Variants in RGS3 observed in about 807,000 individuals in gnomAD.
The protein encoded by RGS3 is regulator of G protein signaling 3.
In RGS3, 80 loss-of-function variants were observed where a neutral mutation model predicts 132.6. The observed-to-expected ratio is 0.60, with a 90% CI of 0.50 to 0.73. RGS3 has a LOEUF of 0.73. Among genes scored for constraint, RGS3 ranks in the 30% least tolerant of loss-of-function variants. The pLI is 0.00. For synonymous variants in RGS3, 598 were observed against 620.6 expected (o/e 0.96, Z 0.54); for missense variants, 1,382 against 1,530.8 (o/e 0.90, Z 1.62).
intron 8 of RGS3, 26 bp from the exon 7 acceptor site, chr9:113,497,288 G>T: frequency 6.3e-7 from 1 of 1,583,796 alleles, no homozygotes; most frequent in Admixed American, 1.7e-5. Context: ...CTGTGTCTGA[G>T]CGTGCCATTC....
chr9:113,590,291 A>G lies in RGS3; in HGVS notation c.3016-1042A>G, dbSNP rs865937775. Among the ~76,000 whole-genome samples, 12 of 152,244 alleles carry G rather than the reference A, an allele frequency of 7.9e-5. No individual in the cohort carries two copies. In the Middle Eastern group the frequency reaches 0.01, roughly 129 times the overall value. ...CCCCATCCAGGGTCTGGCCTATAGT[A>G]TGAGCTAAATGAAGGTGTAATTCAT... On this transcript the variant is annotated intron_variant, in intron 20 of 24. Coordinates refer to ENST00000350696, the Ensembl canonical transcript of RGS3.
chr9:113,484,160 G>C, exon 6 of RGS3: 1 of 1,611,386 alleles, frequency 6.2e-7, no homozygotes, highest in Non-Finnish European at 8.5e-7. Flanking sequence ...CCTGAAGATA[G>C]TAGACTACGC....
At chr9:113,585,059 T>C (rs1017120551) in intron 20 of RGS3, among the ~76,000 whole-genome samples, 1 of 152,222 alleles carries the variant, frequency 6.6e-6, no homozygotes, top group Non-Finnish European at 1.5e-5. Context: ...TATATGTAGA[T>C]GAATAAGTAT....
At chr9:113,546,078 G>T (rs1361872321) in intron 19 of RGS3, among the ~76,000 whole-genome samples, 1 of 152,236 alleles carries the variant, frequency 6.6e-6, no homozygotes, top group Non-Finnish European at 1.5e-5. Context: ...TGTCTTCAGA[G>T]TAAAGCTTGG....
In RGS3 at chr9:113,517,526, C is replaced by T; in HGVS notation, c.1675-15C>T. 1 of 1,611,218 alleles carries T rather than the reference C, an allele frequency of 6.2e-7. No individual in the cohort carries two copies. The highest frequency in any genetic ancestry group is 1.3e-5 in the African/African-American group (1 of 74,884). On this transcript the variant is annotated splice_polypyrimidine_tract_variant and intron_variant, in intron 15 of 24. Coordinates refer to ENST00000350696, the Ensembl canonical transcript of RGS3. The stretch of plus-strand genomic sequence containing the variant: ...CCTCTTTTTGAACTGCCCACTCAGC[C>T]TGCTTTATTTCCAGCCTCTAGATCT...
chr9:113,478,186 G>A (rs1156790205), intron 3 of RGS3, among the ~76,000 whole-genome samples: 1 of 152,052 alleles, frequency 6.6e-6, no homozygotes, highest in Non-Finnish European at 1.5e-5. Flanking sequence ...CCGTCCTTCT[G>A]TTCTCTTTAC....
chr9:113,471,890 C>T (rs1210329803), intron 3 of RGS3, among the ~76,000 whole-genome samples: 1 of 152,056 alleles, frequency 6.6e-6, no homozygotes, highest in African/African-American at 2.4e-5. Flanking sequence ...TGGCTTCCTT[C>T]TAGGCAAGTG....
chr9:113,594,121 G>A, intron 21 of RGS3: 2 of 1,613,118 alleles, frequency 1.2e-6, no homozygotes, highest in Non-Finnish European at 1.7e-6. Flanking sequence ...GCTTGTGCCT[G>A]GGAGTCCAGT....
chr9:113,462,811 A>G (rs1829507372), intron 3 of RGS3, among the ~76,000 whole-genome samples: 2 of 152,364 alleles, frequency 1.3e-5, no homozygotes, highest in South Asian at 2.1e-4. Context: ...TCACTGAACC[A>G]CAAATATCCA....
chr9:113,527,198 G>A (rs1386989093), intron 17 of RGS3, among the ~76,000 whole-genome samples: 1 of 152,198 alleles, frequency 6.6e-6, no homozygotes, highest in African/African-American at 2.4e-5. Context: ...CCCTGCCATA[G>A]GAAATATGTC....
chr9:113,505,558 G>A, intron 11 of RGS3, 35 bp downstream of exon 9: 1 of 1,548,378 alleles, frequency 6.5e-7, no homozygotes, highest in South Asian at 1.1e-5. Flanking sequence ...AACCCCACTT[G>A]CCCACCACAC....
At chr9:113,479,639 G>T in intron 4 of RGS3, 98 bp downstream of exon 2, 1 of 1,074,574 alleles carries the variant, frequency 9.3e-7, no homozygotes, top group Non-Finnish European at 1.4e-6. Context: ...ATGGGCCAAG[G>T]CTTCTTTTCT....
chr9:113,572,989 G>A lies in RGS3; in HGVS notation c.2038-10461G>A, dbSNP rs540999768. 1.2e-4 allele frequency among the ~76,000 whole-genome samples: 19 copies of A among 152,362 alleles called. 1 individual carries two copies. The highest frequency in any genetic ancestry group is 3.3e-4 in the Admixed American group (5 of 15,304). ...GAGGGAGCTGATGATGTCGATGATC[G>A]TCATGAGAGTAACAATTATGATTAC... On this transcript the variant is annotated intron_variant, in intron 19 of 24. Transcript: ENST00000350696.
At chr9:113,461,111 T>C (rs1482472564) in intron 1 of RGS3, among the ~76,000 whole-genome samples, 2 of 152,166 alleles carry the variant, frequency 1.3e-5, no homozygotes, top group Non-Finnish European at 2.9e-5. Flanking sequence ...TGTGTATATG[T>C]GCATATGATG....
intron 3 of RGS3, among the ~76,000 whole-genome samples, chr9:113,475,784 G>C (rs371140309): frequency 6.2e-4 from 94 of 150,544 alleles, no homozygotes; most frequent in Middle Eastern, 6.9e-3. Context: ...GAGGTTGGGT[G>C]GGGGGGGTGT....
intron 19 of RGS3, among the ~76,000 whole-genome samples, chr9:113,556,756 A>G (rs1292099036): frequency 6.6e-6 from 1 of 152,154 alleles, no homozygotes; most frequent in Non-Finnish European, 1.5e-5. Flanking sequence ...TGCTAGGATG[A>G]TGGATCTGAA....
At chr9:113,462,247 T>G in intron 3 of RGS3, 1 of 1,545,356 alleles carries the variant, frequency 6.5e-7, no homozygotes, top group Non-Finnish European at 8.8e-7. Flanking sequence ...GTGGACCTGC[T>G]CTTGTTAAAG....
At chr9:113,543,311 T>C (rs1832978217) in intron 19 of RGS3, among the ~76,000 whole-genome samples, 1 of 152,170 alleles carries the variant, frequency 6.6e-6, no homozygotes, top group Non-Finnish European at 1.5e-5. Context: ...ACCCCAAAAA[T>C]GGTGGCCTAG....
chr9:113,522,880 C>T (rs1424879637), intron 16 of RGS3, 50 bp from the exon 15 acceptor site: 1 of 1,256,754 alleles, frequency 8.0e-7, no homozygotes, highest in Non-Finnish European at 1.2e-6. Context: ...GGCTCTCAGC[C>T]TCCAGAGGAC....
Sources: allele counts gnomAD v4.1 joint callset (sites outside exome capture counted in the v4.1 genomes callset), GRCh38; gene constraint gnomAD v4.1.1; transcripts MANE v1.5; gene names NCBI Gene and HGNC (gene_info 2026-07-23, HGNC 2026-07-21).